The following ZBTB20 variants were observed in gnomAD, a reference collection of about 807,000 sequenced individuals.
ZBTB20 encodes the protein zinc finger and BTB domain-containing protein 20.
Under a neutral mutation model 56.9 loss-of-function variants are expected in ZBTB20, and 9 were observed. The ratio of observed to expected loss-of-function variants is 0.16; its 90% CI spans 0.10 to 0.28. The LOEUF is 0.28. ZBTB20 is among the 10% of genes least tolerant of loss of function. ZBTB20 has a pLI of 1.00. For missense variants in ZBTB20, 655 were observed against 1,003.0 expected (o/e 0.65, Z 4.69); for synonymous variants, 417 against 420.7 (o/e 0.99, Z 0.11).
chr3:114,607,534 C>A (rs536495085), intron 6 of ZBTB20, among the ~76,000 whole-genome samples: 1 of 152,028 alleles, frequency 6.6e-6, no homozygotes, highest in Non-Finnish European at 1.5e-5. Flanking sequence ...AACTCCCGAC[C>A]TCAGGTGATC....
At chr3:114,447,751 G>C (rs970838402) in intron 7 of ZBTB20, among the ~76,000 whole-genome samples, 3 of 152,108 alleles carry the variant, frequency 2.0e-5, no homozygotes, top group African/African-American at 7.2e-5. Context: ...TTAGATCATA[G>C]TGTGTACCCT....
intron 8 of ZBTB20, among the ~76,000 whole-genome samples, chr3:114,385,643 C>CG (rs1559718372): frequency 6.6e-6 from 1 of 151,966 alleles, no homozygotes; most frequent in East Asian, 1.9e-4. Flanking sequence ...TCGAGGCGGG[C>CG]GGATCACGAG....
chr3:114,707,943 T>G (rs977198136), intron 5 of ZBTB20, among the ~76,000 whole-genome samples: 2 of 152,136 alleles, frequency 1.3e-5, no homozygotes, highest in African/African-American at 4.8e-5. Flanking sequence ...ACCTTATCAA[T>G]CATGGTACTT....
At chr3:114,829,784 A>G (rs1579057669) in intron 4 of ZBTB20, among the ~76,000 whole-genome samples, 1 of 152,022 alleles carries the variant, frequency 6.6e-6, no homozygotes, top group African/African-American at 2.4e-5. Flanking sequence ...GGTCTTACTC[A>G]GAGTCCCCAG....
At chr3:114,692,937 A>G (rs1189699287) in intron 6 of ZBTB20, among the ~76,000 whole-genome samples, 1 of 152,060 alleles carries the variant, frequency 6.6e-6, no homozygotes, top group Admixed American at 6.6e-5. Context: ...TTTGAAGGGT[A>G]TTTTCCTTTT....
At chr3:115,091,603 G>C (rs768292087) in intron 1 of ZBTB20, among the ~76,000 whole-genome samples, 122 of 151,722 alleles carry the variant, frequency 8.0e-4, no homozygotes, top group Middle Eastern at 6.9e-3. Context: ...TGTTTAGGCA[G>C]GAAGTGGTAT....
At chr3:114,572,414 A>G (rs2053539203) in intron 6 of ZBTB20, among the ~76,000 whole-genome samples, 1 of 152,242 alleles carries the variant, frequency 6.6e-6, no homozygotes, top group Non-Finnish European at 1.5e-5. Flanking sequence ...AGAATCCTTC[A>G]TTAGTTCGTT....
intron 4 of ZBTB20, among the ~76,000 whole-genome samples, chr3:114,893,280 T>C (rs2076889490): frequency 6.6e-6 from 1 of 152,148 alleles, no homozygotes; most frequent in Non-Finnish European, 1.5e-5. Context: ...AAAATCCTTA[T>C]TATACAGCAC....
chr3:114,811,820 G>C (rs1267997775), intron 4 of ZBTB20, among the ~76,000 whole-genome samples: 3 of 123,958 alleles, frequency 2.4e-5, no homozygotes, highest in Non-Finnish European at 5.3e-5. Context: ...TCTGAGGATG[G>C]AGAATGTGAT....
chr3:114,990,785 G>A (rs905886734), intron 2 of ZBTB20, among the ~76,000 whole-genome samples: 1 of 151,960 alleles, frequency 6.6e-6, no homozygotes, highest in African/African-American at 2.4e-5. Flanking sequence ...ATTTCAGAGC[G>A]TGTTATTGGT....
At chr3:114,935,009 G>C (rs183372440) in intron 3 of ZBTB20, among the ~76,000 whole-genome samples, 1 of 152,062 alleles carries the variant, frequency 6.6e-6, no homozygotes, top group Non-Finnish European at 1.5e-5. Context: ...ATCAAAATTG[G>C]TTTTTATAGA....
chr3:115,067,962 G>A (rs1418926032), intron 2 of ZBTB20, among the ~76,000 whole-genome samples: 1 of 152,060 alleles, frequency 6.6e-6, no homozygotes, highest in African/African-American at 2.4e-5. Flanking sequence ...AAGGAGCTGG[G>A]CCAATCCAGG....
At chr3:114,360,648 G>C (rs564827071) in intron 10 of ZBTB20, among the ~76,000 whole-genome samples, 1 of 152,186 alleles carries the variant, frequency 6.6e-6, no homozygotes, top group Admixed American at 6.5e-5. Flanking sequence ...ACTGTGCCCG[G>C]CCAATTTCTC....
chr3:115,098,222 A>G (rs1448509347), intron 1 of ZBTB20, among the ~76,000 whole-genome samples: 1 of 152,172 alleles, frequency 6.6e-6, no homozygotes, highest in Middle Eastern at 3.2e-3. Flanking sequence ...GTATGCACAG[A>G]TATCGCCACT....
At chr3:114,768,922 A>T (rs2068974550) in intron 5 of ZBTB20, among the ~76,000 whole-genome samples, 1 of 152,226 alleles carries the variant, frequency 6.6e-6, no homozygotes, top group South Asian at 2.1e-4. Context: ...TATTCATTAC[A>T]CATAGCTTGC....
At position 114,779,281 on chromosome 3, in the gene ZBTB20, G is replaced by A. The variant is rs557811396; in HGVS notation, c.-343+21820C>T. Among the ~76,000 whole-genome samples, 32 of 152,188 alleles carry A rather than the reference G, an allele frequency of 2.1e-4. No individual in the cohort carries two copies. In the South Asian group the frequency reaches 6.6e-3, roughly 32 times the overall value. ...ATTTTCATAGTGCCATATAATTACA[G>A]GTACTCTTTATTTGTTTATGAACCC... On this transcript the variant is annotated intron_variant, in intron 5 of 11. Coordinates refer to ENST00000675478, the MANE Select transcript of ZBTB20 (RefSeq NM_001348800.3).
At chr3:114,389,812 C>A (rs544984465) in intron 7 of ZBTB20, among the ~76,000 whole-genome samples, 188 of 148,838 alleles carry the variant, frequency 1.3e-3, no homozygotes, top group Non-Finnish European at 2.1e-3. Context: ...TCGCTTGAAC[C>A]CGGGAGGCGG....
intron 7 of ZBTB20, among the ~76,000 whole-genome samples, chr3:114,392,637 C>T (rs191425635): frequency 4.3e-4 from 65 of 152,298 alleles, no homozygotes; most frequent in Non-Finnish European, 7.1e-4. Flanking sequence ...CTTTTTCCAC[C>T]TAGCTTAGCC....
At position 114,748,279 on chromosome 3, in the gene ZBTB20, CTTCTTTCTTTCT is replaced by C. The variant is rs147900859; in HGVS notation, c.-343+52810_-343+52821del. Among the ~76,000 whole-genome samples the C allele has an allele frequency of 3.6e-3, 373 of 104,458 alleles. 8 individuals carry two copies. Among genetic ancestry groups the C allele is most frequent in the East Asian group, 6.5e-3 (21 of 3,250 alleles). The allele number at this position is 104,458 out of a possible 152,430, so 68.5% of individuals were successfully genotyped here. A position where few individuals can be genotyped will look rare whatever the true frequency, so the allele number is the denominator to read the frequency against. ...GATGGTTCTGGGGTTTTTGTTGTAG[CTTCTTTCTTTCT>C]TTCTTTCTTTCTTTCTTTCTTTCTT... On this transcript the variant is annotated intron_variant, in intron 5 of 11. Coordinates refer to ENST00000675478, the MANE Select transcript of ZBTB20 (RefSeq NM_001348800.3).
Sources: gnomAD v4.1 joint callset for allele counts (sites outside exome capture counted in the v4.1 genomes callset) on GRCh38, gnomAD v4.1.1 for gene constraint, MANE v1.5 for transcripts, NCBI Gene and HGNC (gene_info 2026-07-23, HGNC 2026-07-21) for gene names.